FST: variants seen among roughly 807,000 people sequenced by gnomAD.
FST encodes follistatin.
In FST, 6 loss-of-function variants were observed where a neutral mutation model predicts 38.4. That is an observed-to-expected ratio of 0.16 (90% CI 0.09 to 0.31). The LOEUF (loss-of-function observed/expected upper bound fraction) is 0.31. Among genes scored for constraint, FST ranks in the 10% least tolerant of loss-of-function variants. The pLI is 1.00. For missense variants in FST, 301 were observed against 432.3 expected, an observed-to-expected ratio of 0.70 and a Z score of 2.69; for synonymous variants, 157 against 169.8, an observed-to-expected ratio of 0.92 and a Z score of 0.59.
At chr5:53,480,900 G>A in intron 1 of FST, 24 bp downstream of exon 1, 1 of 1,395,696 alleles carries the variant, frequency 7.2e-7, no homozygotes, top group Non-Finnish European at 9.8e-7. Context: ...GATGCGCTGG[G>A]GAGGCTTGGC....
At chr5:53,484,868 A>T (rs2112344200) in intron 4 of FST, 129 bp from the exon 5 acceptor site, 1 of 599,348 alleles carries the variant, frequency 1.7e-6, no homozygotes, top group East Asian at 2.8e-5. Context: ...CCCCATTAGT[A>T]ATAGGCTATT....
Position 53,486,039 on chromosome 5 carries a change from C to T in FST, c.*6C>T. 1.3e-6 allele frequency: 1 copy of T among 760,092 alleles called. No homozygotes were observed. The highest frequency in any genetic ancestry group is 2.1e-6 in the Non-Finnish European group (1 of 483,950). 47.1% of individuals were successfully genotyped at this position (760,092 alleles called of 1,614,324 possible). On this transcript the variant is annotated 3_prime_UTR_variant, in exon 6 of 6. Coordinates refer to ENST00000256759, the MANE Select transcript of FST (RefSeq NM_013409.3). ...CTTCTATTCTAGAGTGGTAAACTCT[C>T]TATAAGTGTTCAGTGTTGACATAGC...
intron 1 of FST, chr5:53,482,666 G>A (rs1450204169): frequency 6.1e-6 from 3 of 490,414 alleles, no homozygotes; most frequent in Non-Finnish European, 1.1e-5. Flanking sequence ...CCATCTCTGT[G>A]ATCAGGGCTT....
At position 53,483,106 on chromosome 5, in the gene FST, G is replaced by A; in HGVS notation, c.277+35G>A. 7.0e-7 allele frequency: 1 copy of A among 1,437,152 alleles called. No homozygotes were observed. Among genetic ancestry groups the A allele is most frequent in the Non-Finnish European group, 9.7e-7 (1 of 1,026,972 alleles). The allele number at this position is 1,437,152 out of a possible 1,614,324, so 89.0% of individuals were successfully genotyped here. A position where few individuals can be genotyped will look rare whatever the true frequency, so the allele number is the denominator to read the frequency against. On this transcript the variant is annotated intron_variant, in intron 2 of 5. Coordinates refer to ENST00000256759, the MANE Select transcript of FST (RefSeq NM_013409.3). The surrounding 1 kb of genome is among the most constrained non-coding windows in gnomAD (Gnocchi z 4.1). The stretch of plus-strand genomic sequence containing the variant: ...CTTCTTCCCAACTTGCAGGCCCTCA[G>A]TAGAGGGCGTCTTACCCTTAGCTTC...
chr5:53,483,648 A>G lies in FST; in HGVS notation c.422A>G (p.Asn141Ser), dbSNP rs927632675. Residue 141 changes from asparagine (N) to serine (S), a missense_variant, in exon 3 of 6, where the codon AAT becomes AGT. By Grantham distance (46) the Asn-to-Ser change is conservative. Coordinates refer to ENST00000256759, the MANE Select transcript of FST (RefSeq NM_013409.3). The surrounding 1 kb of genome is among the most constrained non-coding windows in gnomAD (Gnocchi z 4.1). Reference protein sequence around the residue: ...VCGLDGKTYRNECALLKARCK... With the variant: ...VCGLDGKTYRSECALLKARCK... ...GGGCTGGATGGGAAAACCTACCGCA[A>G]TGAATGTGCACTCCTAAAGGCAAGA... The G allele has an allele frequency of 1.9e-6, 3 of 1,614,092 alleles. No homozygotes were observed. Among genetic ancestry groups the G allele is most frequent in the African/African-American group, 2.7e-5 (2 of 74,950 alleles).
chr5:53,482,037 G>A (rs1403195454), intron 1 of FST, among the ~76,000 whole-genome samples: 1 of 152,242 alleles, frequency 6.6e-6, no homozygotes, highest in Admixed American at 6.5e-5. Flanking sequence ...TGGGCGCGGA[G>A]GAAAGCAGCC....
chr5:53,484,125 A>C lies in FST; in HGVS notation c.553A>C (p.Asn185His). The change falls in exon 4 of 6, where the codon AAT becomes CAT. Residue 185 changes from asparagine to histidine, a missense_variant. Physicochemically the swap from Asn to His is moderately conservative, Grantham distance 68. Transcript: ENST00000256759. ...CTCCACATGTGTGGTGGACCAGACCAATAATGCCTACTGTGTGACCTGTAA... is the reference window on the plus strand; with the variant it reads ...CTCCACATGTGTGGTGGACCAGACCCATAATGCCTACTGTGTGACCTGTAA... ...GSSTCVVDQT[N>H]NAYCVTCNRI... is the part of the protein sequence containing the mutation. The C allele has an allele frequency of 6.2e-7, 1 of 1,609,830 alleles. No individual in the cohort carries two copies. The highest frequency in any genetic ancestry group is 8.5e-7 in the Non-Finnish European group (1 of 1,176,050).
Position 53,480,732 on chromosome 5 carries a change from A to G in FST, c.-60A>G. 1 of 571,198 alleles carries G rather than the reference A, an allele frequency of 1.8e-6. No homozygotes were observed. The allele number at this position is 571,198 out of a possible 1,614,324, so 35.4% of individuals were successfully genotyped here. A position where few individuals can be genotyped will look rare whatever the true frequency, so the allele number is the denominator to read the frequency against. Reference sequence around the variant, plus strand: ...GCGACGCGCGCCGCTCGCCCGAGCCACCCGCCGCCGCGCCGGCTCCCCGCG... The same window carrying G: ...GCGACGCGCGCCGCTCGCCCGAGCCGCCCGCCGCCGCGCCGGCTCCCCGCG... On this transcript the variant is annotated 5_prime_UTR_variant, in exon 1 of 6. Coordinates refer to ENST00000256759, the MANE Select transcript of FST (RefSeq NM_013409.3).
At position 53,483,752 on chromosome 5, in the gene FST, A is replaced by G. The variant is rs756604766; in HGVS notation, c.496+30A>G. The G allele has an allele frequency of 2.0e-6, 3 of 1,508,758 alleles. No individual in the cohort carries two copies. The highest frequency in any genetic ancestry group is 2.8e-6 in the Non-Finnish European group (3 of 1,085,434). 93.5% of individuals were successfully genotyped at this position (1,508,758 alleles called of 1,614,324 possible). A position where few individuals can be genotyped will look rare whatever the true frequency, so the allele number is the denominator to read the frequency against. On this transcript the variant is annotated intron_variant, in intron 3 of 5. Coordinates refer to ENST00000256759, the MANE Select transcript of FST (RefSeq NM_013409.3). The surrounding 1 kb of genome is among the most constrained non-coding windows in gnomAD (Gnocchi z 4.1). ...GTCCTACCCTGTTGAGCAAGACTGG[A>G]TCTGTCCCCTCCTCCAGCTTTGTAC...
Position 53,483,736 on chromosome 5 carries a change from T to C in FST, c.496+14T>C. The C allele has an allele frequency of 6.3e-7, 1 of 1,590,776 alleles. No homozygotes were observed. The highest frequency in any genetic ancestry group is 8.6e-7 in the Non-Finnish European group (1 of 1,159,220). The stretch of plus-strand genomic sequence containing the variant: ...GCAGATGTAAAAGTAGGTCCTACCC[T>C]GTTGAGCAAGACTGGATCTGTCCCC... On this transcript the variant is annotated intron_variant, in intron 3 of 5. Coordinates refer to ENST00000256759, the MANE Select transcript of FST (RefSeq NM_013409.3). This position sits in a 1 kb window ranked among gnomAD's most constrained non-coding sequence, Gnocchi z 4.1.
Position 53,483,566 on chromosome 5 carries a change from C to A in FST, c.340C>A (p.Pro114Thr). Reference sequence around the variant, plus strand: ...ATGCCGAATGAACAAGAAGAACAAACCCCGCTGCGTCTGCGCCCCGGATTG... The same window carrying A: ...ATGCCGAATGAACAAGAAGAACAAAACCCGCTGCGTCTGCGCCCCGGATTG... ...KKCRMNKKNK[P>T]RCVCAPDCSN... The change falls in exon 3 of 6, where the codon CCC (proline) becomes ACC (threonine). Residue 114 changes from proline (P) to threonine (T), a missense_variant. Pro to Thr is a conservative substitution (Grantham distance 38). Transcript: ENST00000256759. The surrounding 1 kb of genome is among the most constrained non-coding windows in gnomAD (Gnocchi z 4.1). The A allele has an allele frequency of 1.2e-6, 2 of 1,614,228 alleles. No homozygotes were observed. The highest frequency in any genetic ancestry group is 1.7e-6 in the Non-Finnish European group (2 of 1,180,022).
chr5:53,482,713 C>G (rs1021402812), intron 1 of FST, 167 bp from the exon 2 acceptor site: 11 of 574,776 alleles, frequency 1.9e-5, no homozygotes, highest in Non-Finnish European at 3.5e-5. Flanking sequence ...CCCTCCACCC[C>G]TTTCGATTTA....
chr5:53,484,183 A>C lies in FST; in HGVS notation c.611A>C (p.Gln204Pro). Residue 204 changes from glutamine to proline, a missense_variant, in exon 4 of 6, where the codon CAA becomes CCA. By Grantham distance (76) the Gln-to-Pro change is moderately conservative. Transcript: ENST00000256759. ...TGCCCAGAGCCTGCTTCCTCTGAGC[A>C]ATATCTCTGTGGGAATGATGGAGTC... ...RICPEPASSE[Q>P]YLCGNDGVTY... 6.2e-7 allele frequency: 1 copy of C among 1,613,410 alleles called. No individual in the cohort carries two copies. The highest frequency in any genetic ancestry group is 8.5e-7 in the Non-Finnish European group (1 of 1,179,328).
chr5:53,485,235 C>T lies in FST; in HGVS notation c.952+8C>T, dbSNP rs375355127. 3.5e-5 allele frequency: 51 copies of T among 1,468,260 alleles called. No homozygotes were observed. Among genetic ancestry groups the T allele is most frequent in the Non-Finnish European group, 4.4e-5 (46 of 1,049,068 alleles). The allele number at this position is 1,468,260 out of a possible 1,614,324, so 91.0% of individuals were successfully genotyped here. On this transcript the variant is annotated splice_region_variant and intron_variant, in intron 5 of 5. Coordinates refer to ENST00000256759, the MANE Select transcript of FST (RefSeq NM_013409.3). ...ACTCCGGATCTTGCAACTGTAAGTG[C>T]GATTTTTAACCTTGCTGCCATTTAA...
intron 5 of FST, among the ~76,000 whole-genome samples, chr5:53,485,474 T>C (rs1747490468): frequency 6.6e-6 from 1 of 152,214 alleles, no homozygotes; most frequent in South Asian, 2.1e-4. Context: ...TTTTCCCCTA[T>C]TTCTTGTGTT....
chr5:53,485,976 G>C lies in FST; in HGVS notation c.978G>C (p.Glu326Asp), dbSNP rs763716986. The C allele has an allele frequency of 2.5e-6, 4 of 1,606,798 alleles. No homozygotes were observed. The East Asian group carries it at 6.7e-5, about 27-fold the overall frequency. Reference sequence around the variant, plus strand: ...CCATTTCGGAAGACACCGAGGAAGAGGAGGAAGATGAAGACCAGGACTACA... The same window carrying C: ...CCATTTCGGAAGACACCGAGGAAGACGAGGAAGATGAAGACCAGGACTACA... ...CNSISEDTEE[E>D]EEDEDQDYSF... Residue 326 changes from glutamate (E) to aspartate (D), a missense_variant, in exon 6 of 6, where the codon GAG becomes GAC. By Grantham distance (45) the Glu-to-Asp change is conservative (BLOSUM62 2). Coordinates refer to ENST00000256759, the MANE Select transcript of FST (RefSeq NM_013409.3).
intron 1 of FST, among the ~76,000 whole-genome samples, chr5:53,481,327 T>C (rs774533599): frequency 1.5e-4 from 23 of 151,380 alleles, no homozygotes; most frequent in Non-Finnish European, 3.1e-4. Flanking sequence ...GGAGAGATAC[T>C]GAATTTTATT....
chr5:53,480,905 C>T (rs1489257316), intron 1 of FST, 29 bp downstream of exon 1: 1 of 1,325,250 alleles, frequency 7.5e-7, no homozygotes, highest in Admixed American at 2.1e-5. Flanking sequence ...GCTGGGGAGG[C>T]TTGGCTGAGG....
At chr5:53,484,440 C>G (rs1747427894) in intron 4 of FST, 147 bp downstream of exon 4, 1 of 749,106 alleles carries the variant, frequency 1.3e-6, no homozygotes, top group African/African-American at 1.8e-5. Context: ...GTTGTGACCA[C>G]AGTATTCCTC....
Sources: allele counts gnomAD v4.1 joint callset (sites outside exome capture counted in the v4.1 genomes callset), GRCh38; gene constraint gnomAD v4.1.1; non-coding constraint Gnocchi (gnomAD v3.1); transcripts MANE v1.5; gene names NCBI Gene and HGNC (gene_info 2026-07-23, HGNC 2026-07-21).